Variants in TAFA2 observed in about 807,000 individuals in gnomAD.
TAFA2 encodes chemokine-like protein TAFA-2.
In TAFA2, 7 loss-of-function variants were observed where a neutral mutation model predicts 18.8. The observed-to-expected ratio is 0.37, with a 90% CI of 0.21 to 0.70. TAFA2 has a LOEUF of 0.70. Among genes scored for constraint, TAFA2 ranks in the 30% least tolerant of loss-of-function variants. TAFA2 has a pLI of 0.53. For synonymous variants in TAFA2, 60 were observed against 54.2 expected (o/e 1.11, Z -0.47); for missense variants, 122 against 158.1 (o/e 0.77, Z 1.23).
intron 1 of TAFA2, among the ~76,000 whole-genome samples, chr12:62,028,807 A>G (rs1368785920): frequency 6.6e-6 from 1 of 152,160 alleles, no homozygotes; most frequent in Non-Finnish European, 1.5e-5. Context: ...AAAAAGAGAC[A>G]TCTGCCATAA....
chr12:62,107,493 A>C (rs575107957), intron 1 of TAFA2, among the ~76,000 whole-genome samples: 1 of 152,314 alleles, frequency 6.6e-6, no homozygotes, highest in Admixed American at 6.5e-5. Flanking sequence ...TGGTCTTGTC[A>C]ATTTTAGCCT....
At chr12:61,892,848 T>C (rs775633928) in intron 1 of TAFA2, among the ~76,000 whole-genome samples, 1 of 152,144 alleles carries the variant, frequency 6.6e-6, no homozygotes, top group Non-Finnish European at 1.5e-5. Context: ...TGTTAAATAA[T>C]AAAGTATGTC....
intron 1 of TAFA2, among the ~76,000 whole-genome samples, chr12:62,017,976 C>T (rs551654798): frequency 6.6e-6 from 1 of 152,228 alleles, no homozygotes; most frequent in East Asian, 1.9e-4. Flanking sequence ...CTTTCAATTC[C>T]TAGTGAGATT....
intron 1 of TAFA2, among the ~76,000 whole-genome samples, chr12:61,959,815 C>T (rs1255657485): frequency 6.6e-6 from 1 of 151,914 alleles, no homozygotes; most frequent in African/African-American, 2.4e-5. Flanking sequence ...TAAACATTTG[C>T]AATGATTGCA....
chr12:62,078,087 G>C (rs1565737099), intron 1 of TAFA2, among the ~76,000 whole-genome samples: 2 of 151,992 alleles, frequency 1.3e-5, no homozygotes, highest in African/African-American at 4.8e-5. Context: ...ACAGGTCCCG[G>C]TAGACAAGAG....
intron 1 of TAFA2, among the ~76,000 whole-genome samples, chr12:62,079,363 T>C (rs1258795643): frequency 6.6e-6 from 1 of 151,966 alleles, no homozygotes; most frequent in Non-Finnish European, 1.5e-5. Context: ...TGATAAAAGT[T>C]TAACAGTGGC....
At chr12:61,993,862 G>C (rs1880093494) in intron 1 of TAFA2, among the ~76,000 whole-genome samples, 1 of 152,090 alleles carries the variant, frequency 6.6e-6, no homozygotes, top group African/African-American at 2.4e-5. Flanking sequence ...AAAGGCAGAT[G>C]AAAGATTCAT....
At chr12:62,033,968 G>A (rs1272343396) in intron 1 of TAFA2, among the ~76,000 whole-genome samples, 1 of 152,068 alleles carries the variant, frequency 6.6e-6, no homozygotes, top group Non-Finnish European at 1.5e-5. Context: ...GTTCAAAAAT[G>A]GCTGAATCTT....
chr12:61,971,792 C>T (rs377339456), intron 1 of TAFA2, among the ~76,000 whole-genome samples: 2 of 151,760 alleles, frequency 1.3e-5, no homozygotes, highest in African/African-American at 4.8e-5. Context: ...TTAATGGGTG[C>T]AGCAAACCAA....
intron 1 of TAFA2, among the ~76,000 whole-genome samples, chr12:61,921,925 T>A (rs1282448375): frequency 6.6e-6 from 1 of 152,196 alleles, no homozygotes; most frequent in Admixed American, 6.5e-5. Flanking sequence ...GTCCTTCAAG[T>A]CAAATAAAGA....
chr12:62,056,395 A>G (rs1361718719), intron 1 of TAFA2, among the ~76,000 whole-genome samples: 1 of 152,242 alleles, frequency 6.6e-6, no homozygotes, highest in African/African-American at 2.4e-5. Context: ...GAAAAGTTCA[A>G]CTGATGTTTA....
At chr12:61,895,027 C>A (rs1033875359) in intron 1 of TAFA2, among the ~76,000 whole-genome samples, 8 of 152,080 alleles carry the variant, frequency 5.3e-5, no homozygotes, top group Non-Finnish European at 8.8e-5. Context: ...CCTATATGAA[C>A]CCAAAGAACA....
At chr12:62,187,881 T>C (rs2062596638) in intron 1 of TAFA2, among the ~76,000 whole-genome samples, 1 of 152,218 alleles carries the variant, frequency 6.6e-6, no homozygotes, top group Non-Finnish European at 1.5e-5. Flanking sequence ...AATTATTTCT[T>C]CTCTTTCGAT....
intron 1 of TAFA2, among the ~76,000 whole-genome samples, chr12:62,190,822 C>T (rs868764614): frequency 2.0e-5 from 3 of 152,164 alleles, no homozygotes; most frequent in African/African-American, 7.2e-5. Flanking sequence ...TGACCTGACA[C>T]ATCCCATTGA....
At chr12:62,114,555 TTAAC>T (rs1869877655) in intron 1 of TAFA2, among the ~76,000 whole-genome samples, 2 of 152,362 alleles carry the variant, frequency 1.3e-5, no homozygotes, top group East Asian at 1.9e-4. Context: ...GATATTTTAT[TTAAC>T]TAAGAACAAT....
chr12:61,727,302 A>G (rs943441321), intron 4 of TAFA2, among the ~76,000 whole-genome samples: 2 of 151,746 alleles, frequency 1.3e-5, no homozygotes, highest in African/African-American at 4.8e-5. Flanking sequence ...AATTGGTACC[A>G]ATTCTTCTTT....
chr12:62,212,415 A>G (rs905801140), intron 1 of TAFA2, among the ~76,000 whole-genome samples: 3 of 152,196 alleles, frequency 2.0e-5, no homozygotes, highest in African/African-American at 7.2e-5. Context: ...TTGGATAAGC[A>G]CATTTTCATC....
intron 1 of TAFA2, among the ~76,000 whole-genome samples, chr12:62,134,485 C>T (rs1221815501): frequency 6.6e-6 from 1 of 151,950 alleles, no homozygotes; most frequent in Admixed American, 6.6e-5. Context: ...CTGAATCCAC[C>T]AGCACTTTGA....
At chr12:61,734,027 T>C (rs1355329983) in intron 4 of TAFA2, among the ~76,000 whole-genome samples, 1 of 147,944 alleles carries the variant, frequency 6.8e-6, no homozygotes, top group African/African-American at 2.5e-5. Flanking sequence ...TTTATTCTCT[T>C]TGAAGCAATT....
Sources: allele counts gnomAD v4.1 joint callset (sites outside exome capture counted in the v4.1 genomes callset), GRCh38; gene constraint gnomAD v4.1.1; transcripts MANE v1.5; gene names NCBI Gene and HGNC (gene_info 2026-07-23, HGNC 2026-07-21).